The following SMARCAD1 variants were observed in gnomAD, a reference collection of about 807,000 sequenced individuals.
SMARCAD1 encodes SWI/SNF-related matrix-associated actin-dependent regulator of chromatin subfamily A containing DEAD/H box 1.
A neutral mutation model predicts 127.1 loss-of-function variants in SMARCAD1; 25 were observed. The ratio of observed to expected loss-of-function variants is 0.20; its 90% CI spans 0.14 to 0.27. SMARCAD1 has a LOEUF of 0.27. Ranked by LOEUF, SMARCAD1 falls within the 10% of genes least tolerant of loss-of-function variation. The pLI, the probability that SMARCAD1 is intolerant of heterozygous loss-of-function variation, is 1.00. For missense variants in SMARCAD1, 807 were observed against 1,206.0 expected (o/e 0.67, Z 4.90); for synonymous variants, 400 against 396.9 (o/e 1.01, Z -0.09).
chr4:94,207,929 G>A lies in SMARCAD1; in HGVS notation c.-191G>A. 2.9e-6 allele frequency: 1 copy of A among 345,982 alleles called. No individual in the cohort carries two copies. The allele number at this position is 345,982 out of a possible 1,614,324, so 21.4% of individuals were successfully genotyped here. ...GCCGCTCCCCTTCTTTGGCCCCTTT[G>A]TGTCCCCGCAGTGTCGAGGCGCGGG... On this transcript the variant is annotated 5_prime_UTR_variant, in exon 1 of 24. In the 5' UTR this introduces an upstream ATG that the reference lacks. Transcript: ENST00000354268.
At position 94,285,939 on chromosome 4, in the gene SMARCAD1, A is replaced by G. The variant is rs1234213397; in HGVS notation, c.3019+870A>G. Among the ~76,000 whole-genome samples, 5 of 152,342 alleles carry G rather than the reference A, an allele frequency of 3.3e-5. No homozygotes were observed. The Middle Eastern group carries it at 0.014, about 415-fold the overall frequency. ...GCATAAGGCAGATTCTCTTTGGGCA[A>G]TGTTTTCCTTATTATTTTGGTAGGG... is the stretch of plus-strand genomic sequence containing the variant. On this transcript the variant is annotated intron_variant, in intron 23 of 23. Transcript: ENST00000354268.
intron 10 of SMARCAD1, chr4:94,270,469 G>A (rs1752398953): frequency 2.7e-6 from 1 of 365,646 alleles, no homozygotes; most frequent in Non-Finnish European, 5.1e-6. Flanking sequence ...GAATTAATTT[G>A]GAGGTACTAT....
At chr4:94,267,664 G>T (rs1036067941) in intron 10 of SMARCAD1, among the ~76,000 whole-genome samples, 1 of 151,786 alleles carries the variant, frequency 6.6e-6, no homozygotes, top group Non-Finnish European at 1.5e-5. Flanking sequence ...ATAGCCTGTT[G>T]CCTCATTTTC....
intron 2 of SMARCAD1, among the ~76,000 whole-genome samples, chr4:94,220,364 C>T (rs778430387): frequency 3.3e-5 from 5 of 152,196 alleles, no homozygotes; most frequent in Non-Finnish European, 7.3e-5. Context: ...TCTCCCACCT[C>T]AGCCTCCCTA....
At chr4:94,249,574 C>T in intron 6 of SMARCAD1, 80 bp from the exon 7 acceptor site, 1 of 799,548 alleles carries the variant, frequency 1.3e-6, no homozygotes, top group Non-Finnish European at 2.2e-6. Context: ...CAGATCAAGT[C>T]AAAATACAAT....
intron 2 of SMARCAD1, among the ~76,000 whole-genome samples, chr4:94,221,472 G>T (rs1248361979): frequency 6.6e-6 from 1 of 152,126 alleles, no homozygotes; most frequent in East Asian, 1.9e-4. Flanking sequence ...ATCTAAAAAG[G>T]CTATGAAAGT....
intron 8 of SMARCAD1, among the ~76,000 whole-genome samples, chr4:94,251,550 G>A (rs985865401): frequency 6.6e-6 from 1 of 152,142 alleles, no homozygotes; most frequent in Non-Finnish European, 1.5e-5. Context: ...TTTGAAAAAT[G>A]AGTCAGAAGA....
intron 9 of SMARCAD1, among the ~76,000 whole-genome samples, chr4:94,258,235 A>G (rs1750414438): frequency 6.6e-6 from 1 of 151,682 alleles, no homozygotes; most frequent in Non-Finnish European, 1.5e-5. Flanking sequence ...GCTCACTGCA[A>G]TCTCTGCCTC....
chr4:94,281,618 A>C, intron 21 of SMARCAD1, 28 bp downstream of exon 21: 1 of 1,306,270 alleles, frequency 7.7e-7, no homozygotes. Context: ...TAGTTACAAA[A>C]AAATAACTCA....
intron 4 of SMARCAD1, 116 bp from the exon 5 acceptor site, chr4:94,236,836 A>G: frequency 1.2e-6 from 1 of 823,244 alleles, no homozygotes; most frequent in South Asian, 1.4e-5. Context: ...TTAAACTATG[A>G]CACACATACT....
intron 6 of SMARCAD1, among the ~76,000 whole-genome samples, chr4:94,246,243 C>T (rs1208718837): frequency 2.0e-5 from 3 of 152,000 alleles, no homozygotes; most frequent in Non-Finnish European, 2.9e-5. Flanking sequence ...CCTCAGCCTC[C>T]CGAGTAGCTG....
At position 94,290,042 on chromosome 4, in the gene SMARCAD1, C is replaced by T; in HGVS notation, c.*508C>T. 1 of 454,442 alleles carries T rather than the reference C, an allele frequency of 2.2e-6. No individual in the cohort carries two copies. Among genetic ancestry groups the T allele is most frequent in the Non-Finnish European group, 4.4e-6 (1 of 226,762 alleles). The allele number at this position is 454,442 out of a possible 1,614,324, so 28.2% of individuals were successfully genotyped here. A position where few individuals can be genotyped will look rare whatever the true frequency, so the allele number is the denominator to read the frequency against. The stretch of plus-strand genomic sequence containing the variant: ...GCTTTCATTTTATTGCTATTTGAAG[C>T]AGATGTTCACCAATGTCAGCAAGAA... On this transcript the variant is annotated 3_prime_UTR_variant, in exon 24 of 24. Transcript: ENST00000354268.
intron 3 of SMARCAD1, 24 bp from the exon 4 acceptor site, chr4:94,233,930 T>C (rs755117543): frequency 1.2e-6 from 2 of 1,612,336 alleles, no homozygotes; most frequent in South Asian, 2.2e-5. Flanking sequence ...AAAATGTTTT[T>C]TGCTCCTCTA....
intron 6 of SMARCAD1, among the ~76,000 whole-genome samples, chr4:94,243,623 G>T (rs1008207522): frequency 8.5e-5 from 13 of 152,114 alleles, no homozygotes; most frequent in Non-Finnish European, 1.6e-4. Flanking sequence ...ATTAGAGAAC[G>T]ATTTGAGCAT....
chr4:94,208,544 CAGGGCAAACACTCCTGATTCAGAT>C lies in SMARCAD1; in HGVS notation c.152_175del (p.Arg51_Asp58del). 6.2e-7 allele frequency: 1 copy of C among 1,614,066 alleles called. No individual in the cohort carries two copies. The highest frequency in any genetic ancestry group is 1.1e-5 in the South Asian group (1 of 91,086). ...AGGAGAATGCTGAAGGGGAAGTTAG[CAGGGCAAACACTCCTGATTCAGAT>C]ATAACTGAAAAAACAGGTGAGTTAC... On this transcript the variant is annotated inframe_deletion, in exon 2 of 24. Transcript: ENST00000354268.
chr4:94,241,845 C>T (rs553025175), intron 6 of SMARCAD1, among the ~76,000 whole-genome samples: 135 of 152,230 alleles, frequency 8.9e-4, no homozygotes, highest in Middle Eastern at 3.4e-3. Flanking sequence ...GCCCAGTTGC[C>T]ATGGCCATTT....
At chr4:94,250,888 G>A in intron 8 of SMARCAD1, 55 bp downstream of exon 8, 8 of 1,371,446 alleles carry the variant, frequency 5.8e-6, no homozygotes, top group Non-Finnish European at 8.3e-6. Flanking sequence ...CTGTATTTTA[G>A]TATATAAGAA....
At chr4:94,244,947 A>G (rs1748191372) in intron 6 of SMARCAD1, among the ~76,000 whole-genome samples, 1 of 152,160 alleles carries the variant, frequency 6.6e-6, no homozygotes, top group African/African-American at 2.4e-5. Context: ...TTAGATATTA[A>G]TTGCTGTTAT....
chr4:94,289,096 TG>T (rs67474669), intron 23 of SMARCAD1, among the ~76,000 whole-genome samples: 21,892 of 152,102 alleles, frequency 0.14, 1,803 homozygotes, highest in Non-Finnish European at 0.19. Context: ...TGGTTTTCGT[TG>T]GTTTAGGTTT....
Sources: gnomAD v4.1 joint callset for allele counts (sites outside exome capture counted in the v4.1 genomes callset) on GRCh38, gnomAD v4.1.1 for gene constraint, MANE v1.5 for transcripts, NCBI Gene and HGNC (gene_info 2026-07-23, HGNC 2026-07-21) for gene names.